Variants in MACF1 observed in about 807,000 individuals in gnomAD.
MACF1 encodes microtubule actin crosslinking factor 1, also known as microtubule-actin cross-linking factor 1.
In MACF1, 193 loss-of-function variants were observed where a neutral mutation model predicts 854.8. The ratio of observed to expected loss-of-function variants is 0.23; its 90% CI spans 0.20 to 0.25. The LOEUF is 0.25. MACF1 is among the 10% of genes least tolerant of loss of function. The pLI, the probability that MACF1 is intolerant of heterozygous loss-of-function variation, is 1.00. For synonymous variants in MACF1, 3,185 were observed against 3,226.7 expected (o/e 0.99, Z 0.44); for missense variants, 7,722 against 8,929.1 (o/e 0.86, Z 5.45).
rs559341977 is a variant in MACF1 at position 39,235,111 on chromosome 1, G to A, written c.171+3868G>A. Among the ~76,000 whole-genome samples the A allele has an allele frequency of 6.3e-4, 96 of 152,172 alleles. No individual in the cohort carries two copies. In the East Asian group the frequency reaches 0.015, roughly 24 times the overall value. ...TCACTTCCCAGACGGGGTGGCGGCC[G>A]GGCAGAGGCTGCAATCTCGGCACTT... On this transcript the variant is annotated intron_variant, in intron 2 of 100. Coordinates refer to ENST00000564288, the MANE Select transcript of MACF1 (RefSeq NM_001394062.1).
At chr1:39,169,093 C>A (rs1048845399) in intron 2 of MACF1, among the ~76,000 whole-genome samples, 2 of 152,200 alleles carry the variant, frequency 1.3e-5, no homozygotes, top group African/African-American at 4.8e-5. Context: ...TCATTGAGTT[C>A]TTTTGTTCTT....
intron 20 of MACF1, among the ~76,000 whole-genome samples, chr1:39,296,812 AAGG>A (rs1557571510): frequency 3.3e-5 from 2 of 60,098 alleles, no homozygotes; most frequent in African/African-American, 1.6e-4. Flanking sequence ...AAAAGAAAGA[AAGG>A]AAGGAAGGAA....
intron 2 of MACF1, among the ~76,000 whole-genome samples, chr1:39,096,013 C>A (rs943314312): frequency 3.3e-5 from 5 of 151,544 alleles, no homozygotes; most frequent in South Asian, 2.1e-4. Flanking sequence ...TAGAGAAAAT[C>A]AAAAAATAAT....
chr1:39,330,817 T>C (rs76458279), intron 36 of MACF1, among the ~76,000 whole-genome samples: 2 of 152,036 alleles, frequency 1.3e-5, no homozygotes, highest in African/African-American at 4.8e-5. Flanking sequence ...TTTTTTTTTT[T>C]TTGAGACAGA....
chr1:39,332,466 A>C lies in MACF1; in HGVS notation c.5878A>C (p.Ser1960Arg). 1 of 1,614,082 alleles carries C rather than the reference A, an allele frequency of 6.2e-7. No homozygotes were observed. The highest frequency in any genetic ancestry group is 8.5e-7 in the Non-Finnish European group (1 of 1,180,030). Residue 1960 changes from serine (S) to arginine (R), a missense_variant, in exon 37 of 101, where the codon AGT (serine) becomes CGT (arginine). Ser to Arg is a moderately radical substitution (Grantham distance 110). Around this residue, in one of 15 missense-constraint regions of MACF1, gnomAD observed 1,531 missense variants for 1,601.6 expected, o/e 0.96. Transcript: ENST00000564288. Reference sequence around the variant, plus strand: ...CCACCCTAAGGCCACAGCAAGCCAGAGTGAGAATCTGTTGTTCCAGCTGAT... The same window carrying C: ...CCACCCTAAGGCCACAGCAAGCCAGCGTGAGAATCTGTTGTTCCAGCTGAT... ...KSHPKATASQ[S>R]ENLLFQLMTH...
chr1:39,334,048 G>A lies in MACF1; in HGVS notation c.7460G>A (p.Gly2487Asp), dbSNP rs1646771535. The change falls in exon 37 of 101, where the codon GGT becomes GAT. Residue 2487 changes from glycine to aspartate, a missense_variant. This residue lies in a region of MACF1 where 1,531 missense variants were observed against 1,601.6 expected (regional missense o/e 0.96). Transcript: ENST00000564288. ...ACAGTTGTGCAGTCCATTGACAGAG[G>A]TCTTTTGGAGAGAGAGGAGGCCGTT... Reference protein sequence around the residue: ...PLTVVQSIDRGLLEREEAVRL... With the variant: ...PLTVVQSIDRDLLEREEAVRL... 5 of 1,614,144 alleles carry A rather than the reference G, an allele frequency of 3.1e-6. No individual in the cohort carries two copies. The East Asian group carries it at 8.9e-5, about 29-fold the overall frequency.
Position 39,441,335 on chromosome 1 carries a change from C to T in MACF1, c.18672+10C>T, listed in dbSNP as rs1404423458. ...TCAGGACACTCTTCAGGTGAGAGGC[C>T]AGGAGGTGACCACCAAGGAAATACA... On this transcript the variant is annotated intron_variant, in intron 74 of 100. Transcript: ENST00000564288. 6.2e-7 allele frequency: 1 copy of T among 1,603,668 alleles called. No homozygotes were observed. Among genetic ancestry groups the T allele is most frequent in the Admixed American group, 1.7e-5 (1 of 59,482 alleles).
chr1:39,393,848 A>G (rs1017139059), intron 58 of MACF1, among the ~76,000 whole-genome samples: 3 of 143,306 alleles, frequency 2.1e-5, no homozygotes, highest in Non-Finnish European at 4.5e-5. Context: ...GGAGGGAGGG[A>G]GAGAGAGAGA....
In MACF1 at chr1:39,327,303, A is replaced by G; in HGVS notation, c.4564A>G (p.Asn1522Asp). The G allele has an allele frequency of 1.9e-6, 3 of 1,607,582 alleles. No homozygotes were observed. The highest frequency in any genetic ancestry group is 2.2e-5 in the South Asian group (2 of 90,698). Residue 1522 changes from asparagine to aspartate, a missense_variant, in exon 36 of 101, where the codon AAT becomes GAT. This residue lies in a region of MACF1 where 1,531 missense variants were observed against 1,601.6 expected (regional missense o/e 0.96). Transcript: ENST00000564288. ...AYHDLCDGSA[N>D]QLQQLQSQLA... is the part of the protein sequence containing the mutation. The stretch of plus-strand genomic sequence containing the variant: ...CCATGACCTTTGTGATGGTTCTGCA[A>G]ATCAGCTTCAGCAGCTTCAGAGCCA...
intron 2 of MACF1, among the ~76,000 whole-genome samples, chr1:39,123,203 A>ATTTTTTTTTTT (rs10585991): frequency 8.9e-6 from 1 of 111,918 alleles, no homozygotes. Flanking sequence ...ATATATATAA[A>ATTTTTTTTTTT]TTTTTTTTTT....
chr1:39,208,727 C>T (rs1460149215), intron 1 of MACF1, among the ~76,000 whole-genome samples: 2 of 152,102 alleles, frequency 1.3e-5, no homozygotes, highest in Admixed American at 6.5e-5. Context: ...CGGGTTCAAG[C>T]GATTCTCCTG....
intron 26 of MACF1, among the ~76,000 whole-genome samples, 153 bp downstream of exon 26, chr1:39,311,153 C>T (rs926285518): frequency 6.6e-6 from 1 of 152,160 alleles, no homozygotes; most frequent in Non-Finnish European, 1.5e-5. Context: ...GTCTTTTACC[C>T]GTGGAGAAGT....
chr1:39,399,028 TG>T (rs1642374814), intron 58 of MACF1, among the ~76,000 whole-genome samples: 1 of 152,220 alleles, frequency 6.6e-6, no homozygotes, highest in African/African-American at 2.4e-5. Flanking sequence ...TATACATACA[TG>T]GTTCCTATGG....
Position 39,478,999 on chromosome 1 carries a change from A to C in MACF1, c.21959-799A>C, listed in dbSNP as rs372683753. Among the ~76,000 whole-genome samples, 4 of 152,130 alleles carry C rather than the reference A, an allele frequency of 2.6e-5. No individual in the cohort carries two copies. In the East Asian group the frequency reaches 7.7e-4, roughly 29 times the overall value. On this transcript the variant is annotated intron_variant, in intron 97 of 100. Transcript: ENST00000564288. ...ATTAGTAGCATCTTTCGCATTTAAC[A>C]TTTTTGTTGGCTGTGCGTGAGATCT...
At chr1:39,104,904 C>T (rs1260777692) in intron 2 of MACF1, among the ~76,000 whole-genome samples, 2 of 152,200 alleles carry the variant, frequency 1.3e-5, no homozygotes, top group Non-Finnish European at 2.9e-5. Flanking sequence ...TTGCCCTCTG[C>T]TTTCCCTTCA....
intron 1 of MACF1, among the ~76,000 whole-genome samples, chr1:39,218,273 A>G (rs2148286693): frequency 6.6e-6 from 1 of 151,730 alleles, no homozygotes; most frequent in East Asian, 1.9e-4. Context: ...CTAACTCCTC[A>G]TTTTATTTGC....
chr1:39,103,191 C>T (rs570774434), intron 2 of MACF1: 4 of 371,074 alleles, frequency 1.1e-5, no homozygotes, highest in South Asian at 8.9e-5. Context: ...GCCCCCAGGT[C>T]TTCTCTGATT....
chr1:39,368,999 CTT>C (rs552062352), intron 50 of MACF1, among the ~76,000 whole-genome samples: 27 of 121,840 alleles, frequency 2.2e-4, no homozygotes, highest in Admixed American at 5.1e-4. Flanking sequence ...AGTCCCCTGG[CTT>C]TTTTTTTTTT....
rs774221532 is a variant in MACF1, at chr1:39,284,329, A to T, written c.1036-4A>T. The T allele has an allele frequency of 6.3e-7, 1 of 1,576,938 alleles. No individual in the cohort carries two copies. The highest frequency in any genetic ancestry group is 8.6e-7 in the Non-Finnish European group (1 of 1,166,748). Reference sequence around the variant, plus strand: ...CATTTATTCACCAAATATTAATTTTATAGGCACTTTATAACCAATATATAC... The same window carrying T: ...CATTTATTCACCAAATATTAATTTTTTAGGCACTTTATAACCAATATATAC... On this transcript the variant is annotated splice_polypyrimidine_tract_variant and splice_region_variant and intron_variant, in intron 10 of 100. Transcript: ENST00000564288.
Sources: gnomAD v4.1 joint callset for allele counts (sites outside exome capture counted in the v4.1 genomes callset) on GRCh38, gnomAD v4.1.1 for gene constraint, gnomAD v4.1.1 regional missense constraint, MANE v1.5 for transcripts, NCBI Gene and HGNC (gene_info 2026-07-23, HGNC 2026-07-21) for gene names.